The following GPR158 variants were observed in gnomAD, a reference collection of about 807,000 sequenced individuals.
GPR158 encodes G protein-coupled receptor 158, also known as metabotropic glycine receptor.
A neutral mutation model predicts 78.2 loss-of-function variants in GPR158; 30 were observed. The observed-to-expected ratio is 0.38, with a 90% CI of 0.29 to 0.52. The LOEUF (loss-of-function observed/expected upper bound fraction) is 0.52. GPR158 is among the 20% of genes least tolerant of loss of function. The pLI is 0.83. For synonymous variants in GPR158, 581 were observed against 591.1 expected (o/e 0.98, Z 0.25); for missense variants, 1,463 against 1,523.5 (o/e 0.96, Z 0.66).
chr10:25,509,280 T>G (rs573552996), intron 5 of GPR158, among the ~76,000 whole-genome samples: 19 of 152,294 alleles, frequency 1.2e-4, no homozygotes, highest in Admixed American at 9.8e-4. Context: ...GGGCAATATA[T>G]AGAGTAAGTG....
rs368478046 is a variant in GPR158 at position 25,218,775 on chromosome 10, T to C, written c.903-2277T>C. On this transcript the variant is annotated intron_variant, in intron 1 of 10. Transcript: ENST00000376351. ...AGAAATTTCACCTCAGTGAGATTTA[T>C]CCTGACCACCCTTTAAAAAAATTTT... 5.7e-4 allele frequency among the ~76,000 whole-genome samples: 87 copies of C among 152,310 alleles called. No individual in the cohort carries two copies. The South Asian group carries it at 0.017, about 30-fold the overall frequency.
At chr10:25,401,458 T>C (rs976315751) in intron 3 of GPR158, among the ~76,000 whole-genome samples, 4 of 152,130 alleles carry the variant, frequency 2.6e-5, no homozygotes, top group Non-Finnish European at 5.9e-5. Flanking sequence ...AAAATGCGAA[T>C]TGAACATATT....
intron 5 of GPR158, among the ~76,000 whole-genome samples, chr10:25,516,847 G>A (rs1328522897): frequency 3.1e-3 from 324 of 103,826 alleles, no homozygotes; most frequent in African/African-American, 8.2e-3. Context: ...TTGACTTGGC[G>A]ATGTGGGCTC....
chr10:25,332,358 CTTTCTT>C (rs1177957433), intron 2 of GPR158, among the ~76,000 whole-genome samples: 1 of 152,144 alleles, frequency 6.6e-6, no homozygotes, highest in East Asian at 1.9e-4. Context: ...TAAGCTAGGA[CTTTCTT>C]TTCCTTTTTG....
At chr10:25,189,118 C>A (rs1588725488) in intron 1 of GPR158, among the ~76,000 whole-genome samples, 1 of 152,114 alleles carries the variant, frequency 6.6e-6, no homozygotes, top group Admixed American at 6.5e-5. Flanking sequence ...GGCGATCATT[C>A]AAAAGTCAGG....
chr10:25,471,603 C>A (rs1264970323), intron 5 of GPR158, among the ~76,000 whole-genome samples: 2 of 152,162 alleles, frequency 1.3e-5, no homozygotes, highest in Admixed American at 6.5e-5. Flanking sequence ...TCCTATTTCT[C>A]CATATCCTTT....
intron 5 of GPR158, among the ~76,000 whole-genome samples, chr10:25,490,275 C>T (rs1042239031): frequency 4.0e-5 from 6 of 151,438 alleles, no homozygotes; most frequent in Non-Finnish European, 7.4e-5. Flanking sequence ...AAGATACATA[C>T]ACTTTTTTTT....
chr10:25,335,005 T>A (rs192688298), intron 2 of GPR158, among the ~76,000 whole-genome samples: 2 of 152,170 alleles, frequency 1.3e-5, no homozygotes, highest in Non-Finnish European at 1.5e-5. Context: ...TTTGATTTTT[T>A]AAAAAAATAT....
chr10:25,468,554 C>G (rs1354045439), intron 5 of GPR158, among the ~76,000 whole-genome samples: 1 of 152,152 alleles, frequency 6.6e-6, no homozygotes, highest in Non-Finnish European at 1.5e-5. Flanking sequence ...TCTTCCTTCT[C>G]CTCTACCTGA....
intron 2 of GPR158, among the ~76,000 whole-genome samples, chr10:25,379,311 A>G (rs1299331101): frequency 2.0e-5 from 3 of 152,176 alleles, no homozygotes; most frequent in Non-Finnish European, 4.4e-5. Context: ...TGGATGCATT[A>G]TCTTTTTCCA....
At chr10:25,451,921 A>G (rs1015246156) in intron 4 of GPR158, among the ~76,000 whole-genome samples, 4 of 152,170 alleles carry the variant, frequency 2.6e-5, no homozygotes, top group African/African-American at 9.7e-5. Context: ...ATGAACTAGC[A>G]ATGCTGGATA....
intron 4 of GPR158, among the ~76,000 whole-genome samples, chr10:25,414,224 C>T (rs906890136): frequency 1.3e-5 from 2 of 152,034 alleles, no homozygotes; most frequent in Non-Finnish European, 2.9e-5. Context: ...CTGACAAGAC[C>T]AGTGTCTTAA....
At chr10:25,485,760 C>A (rs1317213893) in intron 5 of GPR158, among the ~76,000 whole-genome samples, 3 of 151,980 alleles carry the variant, frequency 2.0e-5, no homozygotes, top group African/African-American at 7.3e-5. Context: ...ATTTGTCTAT[C>A]CTTGAGTATT....
chr10:25,293,490 G>A (rs905408808), intron 2 of GPR158, among the ~76,000 whole-genome samples: 5 of 152,122 alleles, frequency 3.3e-5, no homozygotes, highest in African/African-American at 7.2e-5. Context: ...TCTCAAAAAG[G>A]GTTAGCCATT....
At chr10:25,422,508 G>A (rs1223784136) in intron 4 of GPR158, among the ~76,000 whole-genome samples, 1 of 151,634 alleles carries the variant, frequency 6.6e-6, no homozygotes, top group Non-Finnish European at 1.5e-5. Context: ...TATCTTCCAC[G>A]AACCCAGTTC....
chr10:25,476,188 C>T (rs1835580952), intron 5 of GPR158, among the ~76,000 whole-genome samples: 1 of 152,004 alleles, frequency 6.6e-6, no homozygotes. Flanking sequence ...CGAGTGATCA[C>T]TATTCATAAT....
At chr10:25,492,208 A>G (rs1466036197) in intron 5 of GPR158, among the ~76,000 whole-genome samples, 13 of 152,156 alleles carry the variant, frequency 8.5e-5, no homozygotes, top group Admixed American at 8.5e-4. Context: ...CACTCCTGCA[A>G]GAATAGGATC....
At chr10:25,252,977 G>A (rs1173239665) in intron 2 of GPR158, among the ~76,000 whole-genome samples, 6 of 152,212 alleles carry the variant, frequency 3.9e-5, no homozygotes, top group Admixed American at 6.5e-5. Flanking sequence ...TTCCGTGGGC[G>A]TAGGACCCTC....
At chr10:25,548,374 A>T (rs1257724607) in intron 5 of GPR158, among the ~76,000 whole-genome samples, 1 of 152,176 alleles carries the variant, frequency 6.6e-6, no homozygotes, top group African/African-American at 2.4e-5. Flanking sequence ...ATGATGAGAT[A>T]TAATTGTGCT....
Sources: allele counts gnomAD v4.1 joint callset (sites outside exome capture counted in the v4.1 genomes callset), GRCh38; gene constraint gnomAD v4.1.1; transcripts MANE v1.5; gene names NCBI Gene and HGNC (gene_info 2026-07-23, HGNC 2026-07-21).